The following SAMD5 variants were observed in gnomAD, a reference collection of about 807,000 sequenced individuals.
SAMD5 encodes the protein sterile alpha motif domain-containing protein 5.
SAMD5 carries 13 observed loss-of-function variants against 11.3 expected under a neutral mutation model. The ratio of observed to expected loss-of-function variants is 1.15; its 90% CI spans 0.75 to 1.83. The LOEUF (loss-of-function observed/expected upper bound fraction) is 1.83. Among genes scored for constraint, SAMD5 ranks in the 40% most tolerant of loss-of-function variants. The probability of loss-of-function intolerance (pLI) is 0.00; values close to 1 mark genes in which losing one functional copy is unlikely to be tolerated. For missense variants in SAMD5, 255 were observed against 239.1 expected (o/e 1.07, Z -0.44); for synonymous variants, 129 against 111.3 (o/e 1.16, Z -1.00).
At chr6:147,828,775 C>G in the SAMD5 span, among the ~76,000 whole-genome samples, 1 of 152,182 alleles carries the variant, frequency 6.6e-6, no homozygotes, top group Non-Finnish European at 1.5e-5. Context: ...TTGGAGAACA[C>G]TGACTAATGC....
the SAMD5 span, among the ~76,000 whole-genome samples, chr6:147,886,216 AC>A: frequency 6.6e-6 from 1 of 152,148 alleles, no homozygotes; most frequent in Non-Finnish European, 1.5e-5. Context: ...CAATCTATAC[AC>A]TCAGCTCTGC....
the SAMD5 span, among the ~76,000 whole-genome samples, chr6:147,827,458 A>G: frequency 6.6e-6 from 1 of 152,206 alleles, no homozygotes; most frequent in African/African-American, 2.4e-5. Flanking sequence ...ATGAGAGGAA[A>G]GTACAAACAA....
At chr6:147,689,590 T>C (rs1385658214) in intron 1 of SAMD5, among the ~76,000 whole-genome samples, 1 of 152,226 alleles carries the variant, frequency 6.6e-6, no homozygotes, top group Non-Finnish European at 1.5e-5. Flanking sequence ...GGGGCATTTT[T>C]TTCTAGGTAG....
chr6:147,879,177 CAT>C, the SAMD5 span, among the ~76,000 whole-genome samples: 9 of 152,344 alleles, frequency 5.9e-5, no homozygotes, highest in East Asian at 1.7e-3. Flanking sequence ...GTGCTTACCT[CAT>C]ATGCATTGCT....
chr6:147,887,715 A>C, the SAMD5 span, among the ~76,000 whole-genome samples: 1 of 152,186 alleles, frequency 6.6e-6, no homozygotes, highest in Non-Finnish European at 1.5e-5. Flanking sequence ...AGTGGGTCAT[A>C]TGGTACCTAT....
At chr6:147,679,345 C>A (rs1052006394) in intron 1 of SAMD5, among the ~76,000 whole-genome samples, 14 of 152,068 alleles carry the variant, frequency 9.2e-5, no homozygotes, top group Non-Finnish European at 4.4e-5. Context: ...ATTTTAGAAA[C>A]TCAAATAAGT....
chr6:147,630,086 A>T (rs953330198), intron 1 of SAMD5, among the ~76,000 whole-genome samples: 1 of 151,242 alleles, frequency 6.6e-6, no homozygotes, highest in African/African-American at 2.4e-5. Context: ...AGTAGCTGGG[A>T]TTACAGGCAT....
chr6:147,773,487 T>C, the SAMD5 span, among the ~76,000 whole-genome samples: 1 of 152,182 alleles, frequency 6.6e-6, no homozygotes, highest in African/African-American at 2.4e-5. Context: ...AAACAACAGA[T>C]ATTTATTTCT....
At chr6:147,770,078 A>AT in the SAMD5 span, among the ~76,000 whole-genome samples, 1 of 152,174 alleles carries the variant, frequency 6.6e-6, no homozygotes, top group Non-Finnish European at 1.5e-5. Flanking sequence ...CCAACAGATG[A>AT]TTTTAAGATT....
At chr6:147,692,573 C>T (rs1413808880) in intron 1 of SAMD5, 2 of 152,226 alleles carry the variant, frequency 1.3e-5, no homozygotes, top group Non-Finnish European at 2.9e-5. Flanking sequence ...CCATAGGACA[C>T]AGGTGATCGT....
the SAMD5 span, among the ~76,000 whole-genome samples, chr6:147,759,080 C>T: frequency 6.6e-6 from 1 of 152,180 alleles, no homozygotes; most frequent in African/African-American, 2.4e-5. Flanking sequence ...GTAGGCAATG[C>T]ATATTGCTAA....
At chr6:147,535,213 C>T (rs898231145) in intron 1 of SAMD5, among the ~76,000 whole-genome samples, 3 of 152,152 alleles carry the variant, frequency 2.0e-5, no homozygotes, top group Non-Finnish European at 2.9e-5. Context: ...AGGTGAGAAG[C>T]GTGTAACCGC....
At chr6:147,538,989 C>T (rs1335880938) in intron 1 of SAMD5, among the ~76,000 whole-genome samples, 3 of 152,216 alleles carry the variant, frequency 2.0e-5, no homozygotes, top group East Asian at 3.9e-4. Context: ...GAAGATTCGG[C>T]ACTTAGAAGA....
At chr6:147,510,599 G>A (rs530821079) in intron 1 of SAMD5, among the ~76,000 whole-genome samples, 1 of 152,290 alleles carries the variant, frequency 6.6e-6, no homozygotes, top group South Asian at 2.1e-4. Flanking sequence ...CTTAAGTAAA[G>A]GCTGTAATGC....
the SAMD5 span, among the ~76,000 whole-genome samples, chr6:147,911,506 C>G: frequency 1.3e-5 from 2 of 152,188 alleles, no homozygotes; most frequent in Non-Finnish European, 2.9e-5. Flanking sequence ...ATTTAGGGCC[C>G]CTGCTCCACA....
At chr6:147,609,642 C>T (rs1266177382) in intron 1 of SAMD5, among the ~76,000 whole-genome samples, 1 of 152,094 alleles carries the variant, frequency 6.6e-6, no homozygotes, top group Non-Finnish European at 1.5e-5. Context: ...CTGCAACCTC[C>T]GCTTCCCAGG....
intron 1 of SAMD5, among the ~76,000 whole-genome samples, chr6:147,736,226 A>G (rs879614726): frequency 2.0e-5 from 3 of 152,210 alleles, no homozygotes; most frequent in Admixed American, 1.3e-4. Flanking sequence ...TGCACAGACT[A>G]AGCGAGTTGA....
chr6:147,844,908 A>C, the SAMD5 span, among the ~76,000 whole-genome samples: 5 of 152,086 alleles, frequency 3.3e-5, no homozygotes, highest in Non-Finnish European at 5.9e-5. Context: ...AGACGGGAGG[A>C]ATAAGTTCTA....
At chr6:147,799,867 C>T in the SAMD5 span, among the ~76,000 whole-genome samples, 1 of 152,112 alleles carries the variant, frequency 6.6e-6, no homozygotes, top group Non-Finnish European at 1.5e-5. Context: ...ACATCGGCTC[C>T]TGAGGCTTCT....
Sources: allele counts gnomAD v4.1 joint callset (sites outside exome capture counted in the v4.1 genomes callset), GRCh38; gene constraint gnomAD v4.1.1; transcripts MANE v1.5; gene names NCBI Gene and HGNC (gene_info 2026-07-23, HGNC 2026-07-21).